Variants in EXOC4 observed in about 807,000 individuals in gnomAD.
EXOC4 encodes exocyst complex component 4, also known as SEC8-like 1.
EXOC4 carries 71 observed loss-of-function variants against 107.2 expected under a neutral mutation model. The observed-to-expected ratio is 0.66, with a 90% CI of 0.55 to 0.81. The LOEUF (loss-of-function observed/expected upper bound fraction) is 0.81, where lower values mean the gene tolerates loss of function less well. EXOC4 is among the 30% of genes least tolerant of loss of function. The pLI is 0.00. For synonymous variants in EXOC4, 456 were observed against 441.2 expected (o/e 1.03, Z -0.42); for missense variants, 1,108 against 1,189.6 (o/e 0.93, Z 1.01).
intron 7 of EXOC4, among the ~76,000 whole-genome samples, chr7:133,410,819 A>AT (rs1797339634): frequency 6.6e-6 from 1 of 152,210 alleles, no homozygotes; most frequent in East Asian, 1.9e-4. Context: ...TTTAAAAATA[A>AT]TGTCACATCT....
intron 10 of EXOC4, among the ~76,000 whole-genome samples, chr7:133,717,393 A>C (rs975120506): frequency 1.3e-5 from 2 of 152,182 alleles, no homozygotes; most frequent in Non-Finnish European, 2.9e-5. Context: ...AATCTGATCC[A>C]TTAGAGCACT....
At chr7:133,369,863 A>G (rs553022708) in intron 6 of EXOC4, among the ~76,000 whole-genome samples, 28 of 126,742 alleles carry the variant, frequency 2.2e-4, no homozygotes, top group East Asian at 2.1e-3. Flanking sequence ...CTGGAGTGCA[A>G]TGGCGCAATT....
intron 14 of EXOC4, among the ~76,000 whole-genome samples, chr7:133,943,643 C>A (rs553392315): frequency 3.3e-5 from 5 of 152,194 alleles, no homozygotes; most frequent in Admixed American, 2.0e-4. Flanking sequence ...TTATTTCTCC[C>A]GGCACCATCA....
chr7:133,334,773 C>T (rs974152330), intron 5 of EXOC4, among the ~76,000 whole-genome samples: 3 of 150,994 alleles, frequency 2.0e-5, no homozygotes, highest in Admixed American at 6.6e-5. Context: ...CTCTATATGT[C>T]CATGTGTTCT....
intron 7 of EXOC4, among the ~76,000 whole-genome samples, chr7:133,457,596 C>G (rs1243415873): frequency 6.6e-6 from 1 of 152,134 alleles, no homozygotes; most frequent in Non-Finnish European, 1.5e-5. Context: ...CTCTGAAATG[C>G]TATTCTTAGG....
rs191892155 is a variant in EXOC4 at position 133,476,906 on chromosome 7, C to A, written c.1328+1433C>A. On this transcript the variant is annotated intron_variant, in intron 8 of 17. Coordinates refer to ENST00000253861, the MANE Select transcript of EXOC4 (RefSeq NM_021807.4). ...AACACATTAGTAATGTTTTCTATTG[C>A]GATCACGAGGTGTATCCATCAGTTC... is the stretch of plus-strand genomic sequence containing the variant. 3.9e-5 allele frequency among the ~76,000 whole-genome samples: 6 copies of A among 152,206 alleles called. No individual in the cohort carries two copies. The East Asian group carries it at 1.2e-3, about 29-fold the overall frequency.
At chr7:133,256,144 A>G (rs1309025539) in intron 1 of EXOC4, among the ~76,000 whole-genome samples, 1 of 151,782 alleles carries the variant, frequency 6.6e-6, no homozygotes, top group East Asian at 1.9e-4. Flanking sequence ...ACCATACCCG[A>G]CTAATGTTTT....
At position 133,751,820 on chromosome 7, in the gene EXOC4, T is replaced by C. The variant is rs145774495; in HGVS notation, c.1515-65505T>C. On this transcript the variant is annotated intron_variant, in intron 10 of 17. Transcript: ENST00000253861. Reference sequence around the variant, plus strand: ...TTCACTTGGAACGGCTACTCTATTATATTCTCTGAATTTTCTAATTTATTT... The same window carrying C: ...TTCACTTGGAACGGCTACTCTATTACATTCTCTGAATTTTCTAATTTATTT... Among the ~76,000 whole-genome samples, 734 of 152,152 alleles carry C rather than the reference T, an allele frequency of 4.8e-3. 3 individuals are homozygous for C. The highest frequency in any genetic ancestry group is 0.017 in the Middle Eastern group (5 of 294).
rs139017040 is a variant in EXOC4, at chr7:133,989,147, T to C, written c.2207-8345T>C. On this transcript the variant is annotated intron_variant, in intron 14 of 17. Coordinates refer to ENST00000253861, the MANE Select transcript of EXOC4 (RefSeq NM_021807.4). ...AGAAAATATTTGTAAATAAAATTGG[T>C]ACAAATTTTTCTTTGCTAGAGAGAG... is the stretch of plus-strand genomic sequence containing the variant. 1.1e-4 allele frequency among the ~76,000 whole-genome samples: 16 copies of C among 152,250 alleles called. No homozygotes were observed. In the East Asian group the frequency reaches 2.9e-3, roughly 28 times the overall value.
At chr7:133,266,331 A>G (rs1198119461) in intron 1 of EXOC4, among the ~76,000 whole-genome samples, 1 of 152,156 alleles carries the variant, frequency 6.6e-6, no homozygotes, top group African/African-American at 2.4e-5. Flanking sequence ...GTATCCAAAT[A>G]CAGTAACAGT....
chr7:133,446,260 A>G (rs1449925068), intron 7 of EXOC4, among the ~76,000 whole-genome samples: 1 of 152,200 alleles, frequency 6.6e-6, no homozygotes, highest in East Asian at 1.9e-4. Context: ...ATTTAATTAC[A>G]ACCAAAACCT....
At chr7:133,629,571 C>T (rs6971400) in intron 9 of EXOC4, among the ~76,000 whole-genome samples, 149,321 of 152,160 alleles carry the variant, frequency 0.98, 73,343 homozygotes, top group Middle Eastern at 1. Context: ...GACGGAGTCT[C>T]GCTCTGTCAC....
chr7:133,798,413 AATTTTCTT>A (rs1796859404), intron 10 of EXOC4, among the ~76,000 whole-genome samples: 3 of 41,172 alleles, frequency 7.3e-5, no homozygotes, highest in African/African-American at 1.8e-4. Flanking sequence ...CTTTATCAGT[AATTTTCTT>A]GGCATATTTA....
Position 133,356,461 on chromosome 7 carries a change from A to G in EXOC4, c.895A>G (p.Ile299Val), listed in dbSNP as rs147214615. The change falls in exon 6 of 18, where the codon ATC (isoleucine) becomes GTC (valine). Residue 299 changes from isoleucine (I) to valine (V), a missense_variant. Coordinates refer to ENST00000253861, the MANE Select transcript of EXOC4 (RefSeq NM_021807.4). ...GAAGATCCCAGAAACAGTTAAGGCA[A>G]TCATAGAGCGCTTGGAGCAGGAGTT... The part of the protein sequence containing the change: ...LKKIPETVKA[I>V]IERLEQELKQ... 112 of 1,614,056 alleles carry G rather than the reference A, an allele frequency of 6.9e-5. No individual in the cohort carries two copies. Among genetic ancestry groups the G allele is most frequent in the Non-Finnish European group, 9.2e-5 (108 of 1,180,030 alleles).
intron 10 of EXOC4, among the ~76,000 whole-genome samples, chr7:133,676,918 T>C (rs1352631395): frequency 1.4e-5 from 2 of 146,446 alleles, no homozygotes; most frequent in African/African-American, 5.1e-5. Flanking sequence ...GGGGGGTATG[T>C]AGTAAACTCT....
At chr7:133,828,877 G>A (rs189497995) in intron 11 of EXOC4, among the ~76,000 whole-genome samples, 1 of 152,278 alleles carries the variant, frequency 6.6e-6, no homozygotes, top group Non-Finnish European at 1.5e-5. Context: ...AATTTAGTAG[G>A]GATCAATTAA....
chr7:133,444,768 C>G (rs1798180549), intron 7 of EXOC4, among the ~76,000 whole-genome samples: 2 of 151,946 alleles, frequency 1.3e-5, no homozygotes, highest in Non-Finnish European at 2.9e-5. Flanking sequence ...ATGTGGGATG[C>G]CTGTGGGACA....
chr7:133,653,785 GA>G (rs1398788470), intron 10 of EXOC4, among the ~76,000 whole-genome samples: 1 of 152,124 alleles, frequency 6.6e-6, no homozygotes, highest in African/African-American at 2.4e-5. Flanking sequence ...GCAGAATTTG[GA>G]GTGAGCAAAT....
At chr7:133,608,607 A>T (rs985908952) in intron 9 of EXOC4, among the ~76,000 whole-genome samples, 18 of 132,540 alleles carry the variant, frequency 1.4e-4, no homozygotes, top group South Asian at 2.4e-4. Flanking sequence ...GCAAGAGTGC[A>T]GTGGCAATCT....
Sources: gnomAD v4.1 joint callset for allele counts (sites outside exome capture counted in the v4.1 genomes callset) on GRCh38, gnomAD v4.1.1 for gene constraint, MANE v1.5 for transcripts, NCBI Gene and HGNC (gene_info 2026-07-23, HGNC 2026-07-21) for gene names.